SLC67A1: variants seen among roughly 807,000 people sequenced by gnomAD.
The protein encoded by SLC67A1 is solute carrier family 67 member 1.
At chr11:2,921,199 C>A in the SLC67A1 span, 1 of 147,754 alleles carries the variant, frequency 6.8e-6, no homozygotes, top group South Asian at 2.1e-4. Context: ...CCACTGCAGT[C>A]CACGCTGGGC....
At chr11:2,919,758 A>C in the SLC67A1 span, 1 of 281,016 alleles carries the variant, frequency 3.6e-6, no homozygotes, top group Non-Finnish European at 6.7e-6. Context: ...AGATGAGATG[A>C]CCTAACGTGG....
chr11:2,908,421 C>A, the SLC67A1 span: 1 of 927,724 alleles, frequency 1.1e-6, no homozygotes, highest in Non-Finnish European at 1.6e-6. Context: ...GTTCCCTGAC[C>A]CCACACCGGA....
chr11:2,910,600 G>C, the SLC67A1 span, among the ~76,000 whole-genome samples: 1 of 152,122 alleles, frequency 6.6e-6, no homozygotes, highest in Admixed American at 6.5e-5. Context: ...GGGTGAGAAT[G>C]GGGGGTGAGC....
At chr11:2,912,039 G>T in the SLC67A1 span, among the ~76,000 whole-genome samples, 1 of 152,208 alleles carries the variant, frequency 6.6e-6, no homozygotes, top group Non-Finnish European at 1.5e-5. Context: ...GGTAACCGAG[G>T]CCCAGGAGAT....
chr11:2,916,443 T>A, the SLC67A1 span: 1 of 564,598 alleles, frequency 1.8e-6, no homozygotes, highest in Non-Finnish European at 3.1e-6. Flanking sequence ...CCTTCATCCA[T>A]CACCTAATAA....
At chr11:2,907,905 T>TC in the SLC67A1 span, among the ~76,000 whole-genome samples, 1 of 152,152 alleles carries the variant, frequency 6.6e-6, no homozygotes, top group Admixed American at 6.5e-5. The surrounding 1 kb of genome is among the most constrained non-coding windows in gnomAD (Gnocchi z 6.7). Flanking sequence ...GCTGCTGGCG[T>TC]CCCCCACAAA....
the SLC67A1 span, chr11:2,899,697 C>T: frequency 1.5e-5 from 22 of 1,508,582 alleles, no homozygotes; most frequent in Middle Eastern, 6.9e-4. Flanking sequence ...AGGAAGTTCC[C>T]CCATTCACAC....
the SLC67A1 span, among the ~76,000 whole-genome samples, chr11:2,905,790 A>C: frequency 6.6e-6 from 1 of 152,214 alleles, no homozygotes; most frequent in Non-Finnish European, 1.5e-5. Flanking sequence ...GGGAGGGTCA[A>C]GAGAACGCAA....
At chr11:2,919,491 G>A in the SLC67A1 span, 1 of 1,018,316 alleles carries the variant, frequency 9.8e-7, no homozygotes, top group East Asian at 2.4e-5. Context: ...CTCCTCCCCG[G>A]CGGAGGCTGG....
chr11:2,916,577 G>C, the SLC67A1 span: 1 of 1,471,610 alleles, frequency 6.8e-7, no homozygotes, highest in Non-Finnish European at 9.4e-7. Flanking sequence ...GGGGCGCCTG[G>C]GCCCTGGGAC....
At chr11:2,902,508 TG>T in the SLC67A1 span, 1 of 872,288 alleles carries the variant, frequency 1.1e-6, no homozygotes, top group Non-Finnish European at 1.4e-6. Context: ...CATCCCGGGA[TG>T]GGGGAGGGCG....
the SLC67A1 span, chr11:2,903,548 G>A: frequency 1.9e-6 from 3 of 1,593,732 alleles, no homozygotes; most frequent in African/African-American, 1.3e-5. Flanking sequence ...TGTTCCTCCT[G>A]CCCTCCATCT....
chr11:2,909,337 G>A, the SLC67A1 span: 1 of 1,525,824 alleles, frequency 6.6e-7, no homozygotes, highest in Non-Finnish European at 8.7e-7. Context: ...TGCCCGGAGC[G>A]CTCATGCACA....
At chr11:2,914,983 C>G in the SLC67A1 span, 1 of 985,446 alleles carries the variant, frequency 1.0e-6, no homozygotes. Context: ...AGGGCCCATT[C>G]GTGCGGAACC....
the SLC67A1 span, chr11:2,908,113 G>C: frequency 1.5e-6 from 1 of 670,574 alleles, no homozygotes; most frequent in Non-Finnish European, 2.7e-6. Context: ...TGGTCATACT[G>C]TGCAGTCAAC....
At chr11:2,922,363 A>T in the SLC67A1 span, 21 of 1,574,766 alleles carry the variant, frequency 1.3e-5, no homozygotes, top group South Asian at 2.3e-4. Context: ...GTGGGGAGGG[A>T]CAGGTAAGAC....
the SLC67A1 span, chr11:2,915,269 A>G: frequency 1.0e-6 from 1 of 979,136 alleles, no homozygotes; most frequent in South Asian, 4.8e-5. Flanking sequence ...AAGTGTGTGT[A>G]CAAGTTTGCC....
At chr11:2,916,968 G>A in the SLC67A1 span, 3 of 516,794 alleles carry the variant, frequency 5.8e-6, no homozygotes, top group Non-Finnish European at 1.1e-5. Flanking sequence ...GAGGCCCAGA[G>A]AGGCAGGAAG....
chr11:2,900,556 T>TGAGGCGGGCGCC, the SLC67A1 span, among the ~76,000 whole-genome samples: 2 of 151,506 alleles, frequency 1.3e-5, no homozygotes, highest in Admixed American at 6.6e-5. Flanking sequence ...TAGCGGGGGC[T>TGAGGCGGGCGCC]GTGGCGGGCG....
Sources: allele counts gnomAD v4.1 joint callset (sites outside exome capture counted in the v4.1 genomes callset), GRCh38; gene constraint gnomAD v4.1.1; non-coding constraint Gnocchi (gnomAD v3.1); transcripts MANE v1.5; gene names NCBI Gene and HGNC (gene_info 2026-07-23, HGNC 2026-07-21).